Variants in ESR2 observed in about 807,000 individuals in gnomAD.
ESR2 encodes estrogen receptor beta.
In ESR2, 36 loss-of-function variants were observed where a neutral mutation model predicts 49.6. The observed-to-expected ratio is 0.73, with a 90% CI of 0.56 to 0.96. ESR2 has a LOEUF of 0.96. Among genes scored for constraint, ESR2 ranks in the 40% least tolerant of loss-of-function variants. The pLI is 0.00. For missense variants in ESR2, 714 were observed against 693.0 expected, an observed-to-expected ratio of 1.03 and a Z score of -0.34; for synonymous variants, 320 against 266.1, an observed-to-expected ratio of 1.20 and a Z score of -1.97.
intron 3 of ESR2, among the ~76,000 whole-genome samples, chr14:64,279,182 C>G (rs1486044041): frequency 1.3e-5 from 2 of 152,198 alleles, no homozygotes; most frequent in Admixed American, 6.5e-5. Context: ...CCTTTTCAGG[C>G]TGAATCAATG....
chr14:64,293,448 G>GT (rs2076904697), intron 1 of ESR2, among the ~76,000 whole-genome samples: 1 of 152,172 alleles, frequency 6.6e-6, no homozygotes, highest in Non-Finnish European at 1.5e-5. Context: ...TCCACTCAAA[G>GT]TTTTTTCACA....
intron 3 of ESR2, among the ~76,000 whole-genome samples, chr14:64,273,146 GT>G (rs1210654244): frequency 6.6e-6 from 1 of 151,048 alleles, no homozygotes; most frequent in Admixed American, 6.6e-5. Flanking sequence ...TTTTCAGATT[GT>G]TTGCTGTTGG....
chr14:64,263,987 T>C (rs2076272880), intron 4 of ESR2, among the ~76,000 whole-genome samples: 1 of 152,226 alleles, frequency 6.6e-6, no homozygotes, highest in Non-Finnish European at 1.5e-5. Flanking sequence ...TCCAAATCCC[T>C]ATACATTTGA....
intron 1 of ESR2, among the ~76,000 whole-genome samples, chr14:64,283,747 C>CAAAAAAAA: frequency 2.2e-5 from 1 of 45,548 alleles, no homozygotes; most frequent in Non-Finnish European, 3.7e-5. Flanking sequence ...GACCCTGTCT[C>CAAAAAAAA]AAAAAAAAAA....
chr14:64,261,021 T>C (rs1156887979), intron 4 of ESR2, among the ~76,000 whole-genome samples: 1 of 152,072 alleles, frequency 6.6e-6, no homozygotes, highest in African/African-American at 2.4e-5. Flanking sequence ...GGTAGAAAAA[T>C]GGGGATATTT....
rs193119351 is a variant in ESR2 at position 64,322,854 on chromosome 14, G to A, written c.-91+15044C>T. Among the ~76,000 whole-genome samples the A allele has an allele frequency of 4.7e-3, 709 of 152,258 alleles. 10 individuals carry two copies. Among genetic ancestry groups the A allele is most frequent in the Non-Finnish European group, 3.6e-3 (245 of 68,016 alleles). On this transcript the variant is annotated intron_variant, in intron 1 of 8. Transcript: ENST00000358599. ...AAAGATACTTATTTTCACATTATTT[G>A]TAGTGACCAAAAGAAGGAAATAATT...
intron 1 of ESR2, among the ~76,000 whole-genome samples, chr14:64,288,548 C>G (rs545749007): frequency 6.6e-6 from 1 of 151,952 alleles, no homozygotes; most frequent in East Asian, 2.0e-4. Flanking sequence ...CGGGGTTTCA[C>G]CATGTTAGCC....
chr14:64,308,958 T>C (rs2140878147), intron 1 of ESR2, among the ~76,000 whole-genome samples: 1 of 151,180 alleles, frequency 6.6e-6, no homozygotes, highest in Non-Finnish European at 1.5e-5. Flanking sequence ...AGTTTCTTTC[T>C]TTGTTAAAAA....
chr14:64,305,399 A>G (rs886224283), intron 1 of ESR2, among the ~76,000 whole-genome samples: 18 of 149,998 alleles, frequency 1.2e-4, no homozygotes, highest in Admixed American at 2.7e-4. Flanking sequence ...GGCCGGGCGC[A>G]GTGGCTCACG....
intron 1 of ESR2, among the ~76,000 whole-genome samples, chr14:64,316,350 C>T (rs2077255214): frequency 6.6e-6 from 1 of 152,080 alleles, no homozygotes; most frequent in Non-Finnish European, 1.5e-5. Flanking sequence ...CAGAAATCTC[C>T]ATATCCGGAT....
rs750511470 is a variant in ESR2, at chr14:64,257,203, A to C, written c.1091+23T>G. 5.4e-5 allele frequency: 87 copies of C among 1,612,784 alleles called. 3 individuals are homozygous for C. The South Asian group carries it at 9.0e-4, about 17-fold the overall frequency. On this transcript the variant is annotated intron_variant, in intron 6 of 8. Coordinates refer to ENST00000341099, the MANE Select transcript of ESR2 (RefSeq NM_001437.3). ...ACCTTACTCAAACAAGTCAGAGAAG[A>C]AACACAATGTATTTTTTCTCACCTG...
chr14:64,253,594 G>GTATATA, intron 6 of ESR2, among the ~76,000 whole-genome samples: 1 of 141,644 alleles, frequency 7.1e-6, no homozygotes, highest in African/African-American at 2.8e-5. Flanking sequence ...GTGTGTGTGT[G>GTATATA]TGTGTGTGTG....
intron 1 of ESR2, among the ~76,000 whole-genome samples, chr14:64,290,190 G>GC (rs2076848419): frequency 6.6e-6 from 1 of 151,914 alleles, no homozygotes; most frequent in Admixed American, 6.6e-5. Context: ...TCCAAACTCA[G>GC]CCCCCCAAGT....
chr14:64,226,863 A>T (rs967347970), downstream of ESR2: 1 of 151,976 alleles, frequency 6.6e-6, no homozygotes, highest in Non-Finnish European at 1.5e-5. Context: ...GCTAATTATT[A>T]TATTTTTAAT....
At chr14:64,269,010 T>G in intron 3 of ESR2, 99 bp from the exon 4 acceptor site, 1 of 741,854 alleles carries the variant, frequency 1.3e-6, no homozygotes, top group Non-Finnish European at 2.3e-6. Context: ...AGCTGAGAGA[T>G]AGGGGACATC....
At chr14:64,322,950 A>G (rs954695617) in intron 1 of ESR2, among the ~76,000 whole-genome samples, 4 of 152,228 alleles carry the variant, frequency 2.6e-5, no homozygotes, top group African/African-American at 9.6e-5. Context: ...TTATACAGTT[A>G]TTAAAGGAAG....
At chr14:64,239,341 C>G (rs561084124) in intron 7 of ESR2, among the ~76,000 whole-genome samples, 5 of 152,172 alleles carry the variant, frequency 3.3e-5, no homozygotes, top group Non-Finnish European at 7.3e-5. Context: ...TGGGAACTCT[C>G]CCTATAAACT....
At position 64,230,898 on chromosome 14, in the gene ESR2, ATTTT is replaced by A. The variant is rs35350228; in HGVS notation, c.*2235_*2238del. On this transcript the variant is annotated 3_prime_UTR_variant, in exon 9 of 9. Coordinates refer to ENST00000341099, the MANE Select transcript of ESR2 (RefSeq NM_001437.3). ...ATATATATATATATATTTCGTGGCA[ATTTT>A]TTTTTTTTTTTTTTTGAGACAGGGT... 11 of 110,674 alleles carry A rather than the reference ATTTT, an allele frequency of 9.9e-5. No individual in the cohort carries two copies. The highest frequency in any genetic ancestry group is 8.4e-4 in the South Asian group (3 of 3,570). The allele number at this position is 110,674 out of a possible 1,614,324, so 6.9% of individuals were successfully genotyped here. A position where few individuals can be genotyped will look rare whatever the true frequency, so the allele number is the denominator to read the frequency against.
At position 64,313,616 on chromosome 14, in the gene ESR2, G is replaced by A. The variant is rs542139164; in HGVS notation, c.-91+24282C>T. Among the ~76,000 whole-genome samples the A allele has an allele frequency of 1.6e-4, 25 of 151,642 alleles. No homozygotes were observed. The South Asian group carries it at 4.4e-3, about 27-fold the overall frequency. ...AGAAAAAAGAAAGAAGAGGCCAGGC[G>A]CGGTGGCTCACGCCTGTAATCCCAA... is the stretch of plus-strand genomic sequence containing the variant. On this transcript the variant is annotated intron_variant, in intron 1 of 8. Coordinates refer to the ESR2 transcript ENST00000358599.
Sources: allele counts gnomAD v4.1 joint callset (sites outside exome capture counted in the v4.1 genomes callset), GRCh38; gene constraint gnomAD v4.1.1; transcripts MANE v1.5; gene names NCBI Gene and HGNC (gene_info 2026-07-23, HGNC 2026-07-21).